The following FBXL20 variants were observed in gnomAD, a reference collection of about 807,000 sequenced individuals.
FBXL20 encodes the protein F-box/LRR-repeat protein 20.
In FBXL20, 11 loss-of-function variants were observed where a neutral mutation model predicts 64.0. The ratio of observed to expected loss-of-function variants is 0.17; its 90% confidence interval spans 0.11 to 0.28. FBXL20 has a LOEUF of 0.28. FBXL20 is among the 10% of genes least tolerant of loss of function. The pLI, the probability that FBXL20 is intolerant of heterozygous loss-of-function variation, is 1.00. For missense variants in FBXL20, 303 were observed against 526.2 expected (o/e 0.58, Z 4.15); for synonymous variants, 184 against 189.0 (o/e 0.97, Z 0.22).
chr17:39,334,629 T>A (rs934776311), intron 2 of FBXL20, among the ~76,000 whole-genome samples: 4 of 151,974 alleles, frequency 2.6e-5, no homozygotes, highest in East Asian at 1.9e-4. Flanking sequence ...GAGAAAAAAA[T>A]TTCATATTCT....
chr17:39,253,265 C>T lies in FBXL20; in HGVS notation c.*8195G>A, dbSNP rs2046666774. On this transcript the variant is annotated 3_prime_UTR_variant, in exon 15 of 15. Transcript: ENST00000264658. ...CACAGTTCTCTGAGCTCTGCACAGG[C>T]CACATTATTCGGATCTGTACTCTCA... 1 of 152,346 alleles carries T rather than the reference C, an allele frequency of 6.6e-6. No individual in the cohort carries two copies. Among genetic ancestry groups the T allele is most frequent in the Non-Finnish European group, 1.5e-5 (1 of 68,072 alleles). The allele number at this position is 152,346 out of a possible 1,614,324, so 9.4% of individuals were successfully genotyped here.
At chr17:39,315,393 T>TTTTATATATATATATATATATATATA (rs147050998) in intron 2 of FBXL20, among the ~76,000 whole-genome samples, 4 of 134,568 alleles carry the variant, frequency 3.0e-5, no homozygotes, top group African/African-American at 8.8e-5. Context: ...TTTAAATAAT[T>TTTTATATATATATATATATATATATA]TATATATATA....
At chr17:39,389,119 A>T (rs955544635) in intron 1 of FBXL20, among the ~76,000 whole-genome samples, 28 of 151,142 alleles carry the variant, frequency 1.9e-4, no homozygotes, top group Non-Finnish European at 3.7e-4. Context: ...AAAAAAAAAA[A>T]AAAAAAAAAA....
intron 9 of FBXL20, among the ~76,000 whole-genome samples, chr17:39,280,013 T>A (rs2046933915): frequency 6.6e-6 from 1 of 151,860 alleles, no homozygotes; most frequent in South Asian, 2.1e-4. Flanking sequence ...AAAACCCATC[T>A]CTACTAAAAA....
At chr17:39,358,230 C>T (rs1000511478) in intron 1 of FBXL20, among the ~76,000 whole-genome samples, 2 of 152,106 alleles carry the variant, frequency 1.3e-5, no homozygotes, top group African/African-American at 4.8e-5. Flanking sequence ...TTTATTCAGG[C>T]CCTCAGCTGA....
At chr17:39,380,163 T>C (rs190275997) in intron 1 of FBXL20, among the ~76,000 whole-genome samples, 1 of 146,162 alleles carries the variant, frequency 6.8e-6, no homozygotes, top group East Asian at 1.9e-4. Context: ...AAAACAAGAG[T>C]GATACTCAAT....
intron 2 of FBXL20, among the ~76,000 whole-genome samples, chr17:39,304,165 G>C (rs1438963779): frequency 6.6e-6 from 1 of 151,864 alleles, no homozygotes; most frequent in East Asian, 1.9e-4. Flanking sequence ...TACAGATGCT[G>C]ACCAAGTTCA....
chr17:39,261,298 G>GTGTA lies in FBXL20; in HGVS notation c.*158_*161dup. On this transcript the variant is annotated 3_prime_UTR_variant, in exon 15 of 15. Transcript: ENST00000264658. ...AGCTAGAGTGGATGGGGGTAAGGGTGTGTATGTGTATGTATGTGTGGCTCT... is the reference window on the plus strand; with the variant it reads ...AGCTAGAGTGGATGGGGGTAAGGGTGTGTATGTATGTGTATGTATGTGTGGCTCT... 2 of 639,816 alleles carry GTGTA rather than the reference G, an allele frequency of 3.1e-6. No homozygotes were observed. The highest frequency in any genetic ancestry group is 5.7e-6 in the Non-Finnish European group (2 of 349,762). 39.6% of individuals were successfully genotyped at this position (639,816 alleles called of 1,614,324 possible). A position where few individuals can be genotyped will look rare whatever the true frequency, so the allele number is the denominator to read the frequency against.
At chr17:39,395,957 G>A (rs1463231170) in intron 1 of FBXL20, among the ~76,000 whole-genome samples, 2 of 151,124 alleles carry the variant, frequency 1.3e-5, no homozygotes, top group South Asian at 2.1e-4. Flanking sequence ...GAGGCATGAG[G>A]AGAACCAGGA....
chr17:39,272,974 T>C (rs973486525), intron 10 of FBXL20, among the ~76,000 whole-genome samples: 2 of 152,186 alleles, frequency 1.3e-5, no homozygotes, highest in African/African-American at 2.4e-5. Context: ...GCTTCTGATA[T>C]TACTAATTTT....
intron 1 of FBXL20, among the ~76,000 whole-genome samples, chr17:39,357,942 T>G (rs2047758293): frequency 6.6e-6 from 1 of 152,234 alleles, no homozygotes; most frequent in Admixed American, 6.5e-5. Flanking sequence ...GAACAAAGTA[T>G]TAGTTCAGGT....
At position 39,395,028 on chromosome 17, in the gene FBXL20, T is replaced by C. The variant is rs1215201231; in HGVS notation, c.42+6333A>G. ...ATTTGAAAACAGACAACTTTGGGAA[T>C]GAAAAGAGATGGATTTTTTTAAAAT... On this transcript the variant is annotated intron_variant, in intron 1 of 14. Transcript: ENST00000264658. Among the ~76,000 whole-genome samples the C allele has an allele frequency of 2.0e-5, 3 of 152,234 alleles. No homozygotes were observed. The East Asian group carries it at 5.8e-4, about 29-fold the overall frequency.
intron 6 of FBXL20, among the ~76,000 whole-genome samples, chr17:39,291,781 C>G (rs2047041907): frequency 6.6e-6 from 1 of 152,136 alleles, no homozygotes; most frequent in Non-Finnish European, 1.5e-5. Flanking sequence ...ACATTTTGCT[C>G]TAAGCAATAC....
rs1029751540 is a variant in FBXL20 at position 39,297,019 on chromosome 17, C to T, written c.398+108G>A. 21 of 620,688 alleles carry T rather than the reference C, an allele frequency of 3.4e-5. No homozygotes were observed. The African/African-American group carries it at 3.9e-4, about 11-fold the overall frequency. The allele number at this position is 620,688 out of a possible 1,614,324, so 38.4% of individuals were successfully genotyped here. On this transcript the variant is annotated intron_variant, in intron 6 of 14. Coordinates refer to ENST00000264658, the MANE Select transcript of FBXL20 (RefSeq NM_032875.3). ...CTCTTCTAAAAATATCTTTCCTCTACAAAACCAAGATAAAATTTGCTCAAT... is the reference window on the plus strand; with the variant it reads ...CTCTTCTAAAAATATCTTTCCTCTATAAAACCAAGATAAAATTTGCTCAAT...
rs867857263 is a variant in FBXL20 at position 39,382,645 on chromosome 17, C to T, written c.42+18716G>A. ...GCCAGGAGTTTTAGACCAATCTGGG[C>T]AAGATAGGAGAGCCCACTGCTACAA... On this transcript the variant is annotated intron_variant, in intron 1 of 14. Coordinates refer to ENST00000264658, the MANE Select transcript of FBXL20 (RefSeq NM_032875.3). 2.0e-5 allele frequency among the ~76,000 whole-genome samples: 3 copies of T among 151,800 alleles called. No homozygotes were observed. The South Asian group carries it at 6.2e-4, about 32-fold the overall frequency.
At chr17:39,290,954 T>C (rs2047032420) in intron 6 of FBXL20, among the ~76,000 whole-genome samples, 1 of 146,410 alleles carries the variant, frequency 6.8e-6, no homozygotes, top group Admixed American at 7.0e-5. Flanking sequence ...ATAAGTCTTC[T>C]CCATTCTGTA....
intron 2 of FBXL20, among the ~76,000 whole-genome samples, chr17:39,312,641 T>A (rs1328728450): frequency 2.2e-5 from 3 of 134,868 alleles, no homozygotes; most frequent in South Asian, 2.8e-4. Flanking sequence ...TGGCACAAGC[T>A]AGGCTCACTG....
chr17:39,324,445 C>T (rs1360267757), intron 2 of FBXL20, among the ~76,000 whole-genome samples: 4 of 151,808 alleles, frequency 2.6e-5, no homozygotes, highest in African/African-American at 7.3e-5. Context: ...CTTGCCACCA[C>T]ACCCGGCTAA....
intron 1 of FBXL20, among the ~76,000 whole-genome samples, chr17:39,345,252 C>G (rs530890110): frequency 2.2e-4 from 33 of 152,112 alleles, no homozygotes; most frequent in African/African-American, 7.7e-4. Flanking sequence ...ATGAAGAAAA[C>G]AGAAGAAAGC....
Sources: gnomAD v4.1 joint callset for allele counts (sites outside exome capture counted in the v4.1 genomes callset) on GRCh38, gnomAD v4.1.1 for gene constraint, MANE v1.5 for transcripts, NCBI Gene and HGNC (gene_info 2026-07-23, HGNC 2026-07-21) for gene names.